The following MAP4K1 variants were observed in gnomAD, a reference collection of about 807,000 sequenced individuals.
MAP4K1 encodes the protein mitogen-activated protein kinase kinase kinase kinase 1.
In MAP4K1, 35 loss-of-function variants were observed where a neutral mutation model predicts 122.8. The observed-to-expected ratio is 0.29, with a 90% confidence interval of 0.22 to 0.38. MAP4K1 has a LOEUF of 0.38. Among genes scored for constraint, MAP4K1 ranks in the 10% least tolerant of loss-of-function variants. The pLI is 1.00. For synonymous variants in MAP4K1, 412 were observed against 421.3 expected (o/e 0.98, Z 0.27); for missense variants, 791 against 1,072.6 (o/e 0.74, Z 3.67).
At chr19:38,603,448 A>ATG (rs1238860953) in intron 19 of MAP4K1, among the ~76,000 whole-genome samples, 1 of 151,650 alleles carries the variant, frequency 6.6e-6, no homozygotes, top group Non-Finnish European at 1.5e-5. Flanking sequence ...ATACATGTAT[A>ATG]TGTGTGTGTA....
Position 38,597,458 on chromosome 19 carries a change from T to C in MAP4K1, c.1778+28A>G, listed in dbSNP as rs776019895. ...GGGCATGGGAGGAATTATAAGGCTG[T>C]GTGGTGCCATTCATTGGGAGCTGGT... On this transcript the variant is annotated intron_variant, in intron 23 of 30. Transcript: ENST00000396857. The surrounding 1 kb of genome is among the most constrained non-coding windows in gnomAD (Gnocchi z 4.6). 2.9e-5 allele frequency: 47 copies of C among 1,612,738 alleles called. No individual in the cohort carries two copies.
At chr19:38,602,433 T>C (rs534997560) in intron 19 of MAP4K1, among the ~76,000 whole-genome samples, 73 of 140,544 alleles carry the variant, frequency 5.2e-4, no homozygotes, top group East Asian at 2.0e-3. Flanking sequence ...CACACACACA[T>C]ATATATACAC....
chr19:38,617,542 G>A lies in MAP4K1; in HGVS notation c.157+26C>T, dbSNP rs192237632. The A allele has an allele frequency of 2.1e-4, 340 of 1,613,764 alleles. 4 individuals are homozygous for A. In the East Asian group the frequency reaches 5.4e-3, roughly 26 times the overall value. On this transcript the variant is annotated intron_variant, in intron 2 of 30. Transcript: ENST00000396857. This position sits in a 1 kb window ranked among gnomAD's most constrained non-coding sequence, Gnocchi z 4.1. ...CAGGAGGCGAAGGTGGGGATGTGGG[G>A]AAGGAGCTCCATGTTCCCTCCTCAC...
intron 6 of MAP4K1, 34 bp downstream of exon 6, chr19:38,614,211 A>G: frequency 6.3e-7 from 1 of 1,596,828 alleles, no homozygotes. Context: ...CCTGGGCCCC[A>G]CCCCCCAACA....
Position 38,617,101 on chromosome 19 carries a change from C to T in MAP4K1, c.248+253G>A, listed in dbSNP as rs540104844. Among the ~76,000 whole-genome samples the T allele has an allele frequency of 6.6e-6, 1 of 152,096 alleles. No homozygotes were observed. Among genetic ancestry groups the T allele is most frequent in the South Asian group, 2.1e-4 (1 of 4,820 alleles). On this transcript the variant is annotated intron_variant, in intron 3 of 30. Transcript: ENST00000396857. The surrounding 1 kb of genome is among the most constrained non-coding windows in gnomAD (Gnocchi z 4.1). ...TCTCTACTAAAAATACAAAAATTTG[C>T]CGGGCAGGGTGGTGAGCGCCTGTAA...
rs1164261721 is a variant in MAP4K1, at chr19:38,590,373, G to GAA, written c.2397-2558_2397-2557dup. Among the ~76,000 whole-genome samples the GAA allele has an allele frequency of 7.2e-4, 13 of 18,020 alleles. 2 individuals are homozygous for GAA. Among genetic ancestry groups the GAA allele is most frequent in the Non-Finnish European group, 7.3e-4 (8 of 10,900 alleles). The allele number at this position is 18,020 out of a possible 152,430, so 11.8% of individuals were successfully genotyped here. ...AAGTGCCACCTATGATCTTGGACCA[G>GAA]AAAAAAAAAAAAAAAAAAAAAATAT... On this transcript the variant is annotated intron_variant, in intron 30 of 30. Coordinates refer to ENST00000396857, the MANE Select transcript of MAP4K1 (RefSeq NM_001042600.3).
At chr19:38,609,574 A>G (rs1049832412) in intron 13 of MAP4K1, 22 bp downstream of exon 13, 3 of 1,609,596 alleles carry the variant, frequency 1.9e-6, no homozygotes, top group East Asian at 4.5e-5. Context: ...GGTGTCCCCA[A>G]ACATAAGGAT....
Position 38,609,686 on chromosome 19 carries a change from G to C in MAP4K1, c.928-12C>G. On this transcript the variant is annotated splice_polypyrimidine_tract_variant and intron_variant, in intron 12 of 30. Transcript: ENST00000396857. The stretch of plus-strand genomic sequence containing the variant: ...ATAGCAGGGGGTAGCTGGGCAGAGG[G>C]GCAGCCACGTCAGGGCTCAAGACCC... 6.2e-7 allele frequency: 1 copy of C among 1,607,310 alleles called. No individual in the cohort carries two copies. Among genetic ancestry groups the C allele is most frequent in the Non-Finnish European group, 8.5e-7 (1 of 1,176,980 alleles).
chr19:38,611,380 T>C (rs745354977), intron 9 of MAP4K1, 75 bp from the exon 10 acceptor site: 10 of 991,302 alleles, frequency 1.0e-5, no homozygotes, highest in East Asian at 2.4e-5. Context: ...GGGTTCCTAG[T>C]AGCATTGTGG....
intron 8 of MAP4K1, among the ~76,000 whole-genome samples, chr19:38,612,973 C>T (rs538441355): frequency 6.6e-6 from 1 of 152,266 alleles, no homozygotes; most frequent in South Asian, 2.1e-4. Flanking sequence ...AGGAGAATGG[C>T]TTAGGCCCAG....
In MAP4K1 at chr19:38,608,040, G is replaced by T; in HGVS notation, c.1066-7C>A. On this transcript the variant is annotated splice_polypyrimidine_tract_variant and splice_region_variant and intron_variant, in intron 14 of 30. Transcript: ENST00000396857. ...GAGGAGGCTGTAGGCGAGCCTGTGGGGTAGGAAAAGGGTCAGCAGTGGCCT... is the reference window on the plus strand; with the variant it reads ...GAGGAGGCTGTAGGCGAGCCTGTGGTGTAGGAAAAGGGTCAGCAGTGGCCT... 1 of 1,594,836 alleles carries T rather than the reference G, an allele frequency of 6.3e-7. No individual in the cohort carries two copies. The highest frequency in any genetic ancestry group is 1.1e-5 in the South Asian group (1 of 88,830).
chr19:38,589,449 CT>C (rs1974637778), intron 30 of MAP4K1, among the ~76,000 whole-genome samples: 1 of 149,956 alleles, frequency 6.7e-6, no homozygotes, highest in Non-Finnish European at 1.5e-5. Flanking sequence ...AGAGTTCACT[CT>C]TGTTGCCCAG....
chr19:38,604,387 T>C (rs1975260599), intron 19 of MAP4K1, among the ~76,000 whole-genome samples: 1 of 152,172 alleles, frequency 6.6e-6, no homozygotes, highest in East Asian at 1.9e-4. Context: ...ATGGAGGTTT[T>C]GATGGATCTT....
chr19:38,611,329 G>A (rs1975492677), intron 9 of MAP4K1, 24 bp from the exon 10 acceptor site: 1 of 1,572,270 alleles, frequency 6.4e-7, no homozygotes, highest in Non-Finnish European at 8.8e-7. Context: ...GAAAGGACAT[G>A]GGGTTCAGAC....
intron 17 of MAP4K1, 59 bp from the exon 18 acceptor site, chr19:38,605,789 C>G: frequency 6.6e-7 from 1 of 1,518,662 alleles, no homozygotes; most frequent in African/African-American, 1.4e-5. Context: ...AGAGGGCACC[C>G]TTTTGCAACT....
intron 16 of MAP4K1, among the ~76,000 whole-genome samples, chr19:38,606,849 G>A (rs1366564250): frequency 1.3e-5 from 2 of 152,198 alleles, no homozygotes; most frequent in Non-Finnish European, 2.9e-5. Flanking sequence ...CTGTGCTGGC[G>A]CCACACACAG....
Position 38,595,489 on chromosome 19 carries a change from T to C in MAP4K1, c.2336A>G (p.Asp779Gly), listed in dbSNP as rs773563151. Residue 779 changes from aspartate to glycine, a missense_variant, in exon 29 of 31, where the codon GAT becomes GGT. Physicochemically the swap from Asp to Gly is moderately conservative, Grantham distance 94. Around this residue, in one of 4 missense-constraint regions of MAP4K1, gnomAD observed 267 missense variants for 323.0 expected, o/e 0.83. Transcript: ENST00000396857. ...HGVQVWALGS[D>G]QLLQELRDPT... ...AGTTTGGATGGAGGGGCTTACCTGA[T>C]CCGAGCCTAGAGCCCACACCTGCAC... The C allele has an allele frequency of 4.3e-6, 7 of 1,613,732 alleles. No individual in the cohort carries two copies. In the South Asian group the frequency reaches 7.7e-5, roughly 18 times the overall value.
At chr19:38,588,610 A>G (rs1445275588) in intron 30 of MAP4K1, among the ~76,000 whole-genome samples, 1 of 135,556 alleles carries the variant, frequency 7.4e-6, no homozygotes, top group Non-Finnish European at 1.5e-5. Flanking sequence ...AAAATTAGCC[A>G]GGTGTGGTGG....
Position 38,614,569 on chromosome 19 carries a change from A to C in MAP4K1, c.314-124T>G, listed in dbSNP as rs191636937. 8.0e-6 allele frequency: 8 copies of C among 996,612 alleles called. No individual in the cohort carries two copies. In the African/African-American group the frequency reaches 9.5e-5, roughly 12 times the overall value. 61.7% of individuals were successfully genotyped at this position (996,612 alleles called of 1,614,324 possible). ...GGGAGAGGGGAAATAGGATAGGACC[A>C]GTGGGAGGGGGAGATGGTGGGGTGG... On this transcript the variant is annotated intron_variant, in intron 4 of 30. Transcript: ENST00000396857.
Sources: allele counts gnomAD v4.1 joint callset (sites outside exome capture counted in the v4.1 genomes callset), GRCh38; gene constraint gnomAD v4.1.1; regional missense constraint gnomAD v4.1.1; non-coding constraint Gnocchi (gnomAD v3.1); transcripts MANE v1.5; gene names NCBI Gene and HGNC (gene_info 2026-07-23, HGNC 2026-07-21).